RNGTT: variants seen among roughly 807,000 people sequenced by gnomAD.
The protein encoded by RNGTT is mRNA-capping enzyme.
Under a neutral mutation model 79.3 loss-of-function variants are expected in RNGTT, and 33 were observed. The ratio of observed to expected loss-of-function variants is 0.42; its 90% CI spans 0.32 to 0.56. RNGTT has a LOEUF of 0.56. Among genes scored for constraint, RNGTT ranks in the 20% least tolerant of loss-of-function variants. RNGTT has a pLI of 0.17. For synonymous variants in RNGTT, 222 were observed against 235.9 expected, an observed-to-expected ratio of 0.94 and a Z score of 0.54; for missense variants, 497 against 739.1, an observed-to-expected ratio of 0.67 and a Z score of 3.80.
At chr6:88,667,789 G>A (rs1265107968) in intron 14 of RNGTT, among the ~76,000 whole-genome samples, 8 of 152,152 alleles carry the variant, frequency 5.3e-5, no homozygotes, top group East Asian at 3.8e-4. Flanking sequence ...TTGGAGTTCC[G>A]GAAAGGTGGA....
At chr6:88,763,998 T>C (rs369630391) in intron 13 of RNGTT, among the ~76,000 whole-genome samples, 2 of 152,176 alleles carry the variant, frequency 1.3e-5, no homozygotes, top group African/African-American at 4.8e-5. Flanking sequence ...TTGGGCCTTA[T>C]AACCCAGTAT....
chr6:88,789,417 G>GTA (rs1779332392), intron 12 of RNGTT, among the ~76,000 whole-genome samples: 1 of 152,128 alleles, frequency 6.6e-6, no homozygotes, highest in East Asian at 1.9e-4. Context: ...AAAATTAGCT[G>GTA]GGCATGGTGG....
chr6:88,851,956 A>G (rs908672354), intron 9 of RNGTT, among the ~76,000 whole-genome samples: 14 of 152,070 alleles, frequency 9.2e-5, no homozygotes, highest in Non-Finnish European at 2.9e-5. Context: ...AGATGGTTAA[A>G]TATCTAATTT....
At chr6:88,810,594 G>A (rs1012128834) in intron 11 of RNGTT, among the ~76,000 whole-genome samples, 4 of 152,072 alleles carry the variant, frequency 2.6e-5, no homozygotes, top group Non-Finnish European at 5.9e-5. Flanking sequence ...AAAATAGCAC[G>A]ACTTGAAAAG....
rs548472645 is a variant in RNGTT at position 88,765,174 on chromosome 6, A to C, written c.1439+4600T>G. Reference sequence around the variant, plus strand: ...ACCACTGCACTCCAGCCTGGGAGACAGAGTGAGACTCCATCTCAAAAAAAA... The same window carrying C: ...ACCACTGCACTCCAGCCTGGGAGACCGAGTGAGACTCCATCTCAAAAAAAA... On this transcript the variant is annotated intron_variant, in intron 13 of 15. Coordinates refer to ENST00000369485, the MANE Select transcript of RNGTT (RefSeq NM_003800.5). 4.7e-5 allele frequency among the ~76,000 whole-genome samples: 7 copies of C among 150,386 alleles called. 1 individual carries two copies. In the South Asian group the frequency reaches 1.5e-3, roughly 32 times the overall value.
intron 13 of RNGTT, among the ~76,000 whole-genome samples, chr6:88,697,359 G>A (rs757891657): frequency 5.9e-5 from 9 of 151,836 alleles, no homozygotes; most frequent in Non-Finnish European, 5.9e-5. Flanking sequence ...AGACCATCCT[G>A]GCTAACACGG....
In RNGTT at chr6:88,897,738, G is replaced by A. The variant is rs1345623414; in HGVS notation, c.685-5823C>T. Among the ~76,000 whole-genome samples, 36 of 152,144 alleles carry A rather than the reference G, an allele frequency of 2.4e-4. 2 individuals carry two copies. Among genetic ancestry groups the A allele is most frequent in the Admixed American group, 2.4e-3 (36 of 15,268 alleles). On this transcript the variant is annotated intron_variant, in intron 6 of 15. Coordinates refer to ENST00000369485, the MANE Select transcript of RNGTT (RefSeq NM_003800.5). ...TGGAGTGTTCTCAGTCAACTGATAA[G>A]GATGGCTCACCAAACCTAGATTACT... is the stretch of plus-strand genomic sequence containing the variant.
intron 12 of RNGTT, among the ~76,000 whole-genome samples, chr6:88,791,252 C>T (rs1294343593): frequency 6.6e-6 from 1 of 151,286 alleles, no homozygotes; most frequent in Admixed American, 6.6e-5. Flanking sequence ...TCAAGCAATC[C>T]TCCTACCTCA....
intron 14 of RNGTT, among the ~76,000 whole-genome samples, chr6:88,657,851 T>C (rs1562175696): frequency 6.6e-6 from 1 of 152,114 alleles, no homozygotes; most frequent in Non-Finnish European, 1.5e-5. Context: ...CCTTGGAACA[T>C]AAATCCACTG....
chr6:88,697,878 AATATATATATGAT>A lies in RNGTT; in HGVS notation c.1440-19472_1440-19460del, dbSNP rs1233788646. 1.6e-4 allele frequency among the ~76,000 whole-genome samples: 18 copies of A among 114,554 alleles called. 2 individuals carry two copies. The highest frequency in any genetic ancestry group is 4.9e-4 in the South Asian group (2 of 4,064). 75.2% of individuals were successfully genotyped at this position (114,554 alleles called of 152,430 possible). ...AGAGTGAGACCCTGTCTTGGAAAAA[AATATATATATGAT>A]ATATATATATGATATATATATGAAA... On this transcript the variant is annotated intron_variant, in intron 13 of 15. Coordinates refer to ENST00000369485, the MANE Select transcript of RNGTT (RefSeq NM_003800.5).
chr6:88,694,030 AG>A (rs1393736277), intron 13 of RNGTT, among the ~76,000 whole-genome samples: 33 of 152,174 alleles, frequency 2.2e-4, no homozygotes, highest in Non-Finnish European at 4.6e-4. Context: ...TTCTCTTCTA[AG>A]ATCAGGAACA....
At chr6:88,671,794 A>G (rs1774650226) in intron 14 of RNGTT, among the ~76,000 whole-genome samples, 1 of 152,216 alleles carries the variant, frequency 6.6e-6, no homozygotes. Flanking sequence ...ACCTAGAAAT[A>G]ACGCCACATA....
rs79241582 is a variant in RNGTT, at chr6:88,954,417, T to C, written c.64+8929A>G. On this transcript the variant is annotated intron_variant, in intron 1 of 15. Coordinates refer to ENST00000369485, the MANE Select transcript of RNGTT (RefSeq NM_003800.5). ...GGACATTATATAATGAAAAAAAGGATTCGTCCAACAGGAAAATATCACAAT... is the reference window on the plus strand; with the variant it reads ...GGACATTATATAATGAAAAAAAGGACTCGTCCAACAGGAAAATATCACAAT... 6.8e-3 allele frequency among the ~76,000 whole-genome samples: 1,037 copies of C among 152,148 alleles called. 6 individuals are homozygous for C. The highest frequency in any genetic ancestry group is 0.048 in the Middle Eastern group (14 of 294).
At chr6:88,959,195 T>C (rs930398302) in intron 1 of RNGTT, among the ~76,000 whole-genome samples, 2 of 146,018 alleles carry the variant, frequency 1.4e-5, no homozygotes, top group African/African-American at 5.1e-5. Context: ...TAATGGACTT[T>C]GGGTACTCAG....
At chr6:88,924,382 A>G (rs776763954) in intron 4 of RNGTT, among the ~76,000 whole-genome samples, 1 of 152,254 alleles carries the variant, frequency 6.6e-6, no homozygotes, top group East Asian at 1.9e-4. Flanking sequence ...ATTGTTTTCC[A>G]TAATTTTCTA....
At chr6:88,638,586 G>A (rs1562163289) in intron 14 of RNGTT, among the ~76,000 whole-genome samples, 2 of 152,252 alleles carry the variant, frequency 1.3e-5, no homozygotes, top group South Asian at 4.1e-4. Context: ...ACAGTTTTAT[G>A]CTTTAAAGTT....
chr6:88,949,510 C>T (rs1022430874), intron 1 of RNGTT, among the ~76,000 whole-genome samples: 1 of 152,112 alleles, frequency 6.6e-6, no homozygotes, highest in Non-Finnish European at 1.5e-5. Flanking sequence ...GATCCACCCA[C>T]CTCGGCCTCC....
intron 13 of RNGTT, among the ~76,000 whole-genome samples, chr6:88,699,363 AG>A (rs1236644751): frequency 6.6e-6 from 1 of 152,184 alleles, no homozygotes; most frequent in Non-Finnish European, 1.5e-5. Context: ...TATTCACAGT[AG>A]CCAAAAGGCA....
At chr6:88,816,515 A>T (rs1336838748) in intron 11 of RNGTT, among the ~76,000 whole-genome samples, 1 of 152,234 alleles carries the variant, frequency 6.6e-6, no homozygotes, top group Non-Finnish European at 1.5e-5. Context: ...CGAGTGGGAC[A>T]AAACCCATAG....
Sources: allele counts gnomAD v4.1 joint callset (sites outside exome capture counted in the v4.1 genomes callset), GRCh38; gene constraint gnomAD v4.1.1; transcripts MANE v1.5; gene names NCBI Gene and HGNC (gene_info 2026-07-23, HGNC 2026-07-21).